Variants in DHX35 observed in about 807,000 individuals in gnomAD.
DHX35 encodes probable ATP-dependent RNA helicase DHX35.
DHX35 carries 84 observed loss-of-function variants against 99.6 expected under a neutral mutation model. That is an observed-to-expected ratio of 0.84 (90% CI 0.71 to 1.01). DHX35 has a LOEUF of 1.01. Ranked by LOEUF, DHX35 falls within the 50% of genes least tolerant of loss-of-function variation. DHX35 has a pLI of 0.00. For missense variants in DHX35, 852 were observed against 888.5 expected, an observed-to-expected ratio of 0.96 and a Z score of 0.52; for synonymous variants, 331 against 316.2, an observed-to-expected ratio of 1.05 and a Z score of -0.50.
intron 6 of DHX35, 126 bp from the exon 7 acceptor site, chr20:38,992,230 C>T: frequency 1.4e-6 from 1 of 714,698 alleles, no homozygotes; most frequent in East Asian, 2.5e-5. Flanking sequence ...AGAAGAGTGA[C>T]TTAGGTTTAC....
intron 3 of DHX35, among the ~76,000 whole-genome samples, chr20:38,978,790 C>T (rs1185031061): frequency 2.6e-5 from 4 of 152,034 alleles, no homozygotes; most frequent in Non-Finnish European, 5.9e-5. Flanking sequence ...GAAGTGTTTC[C>T]CTTCTCTTTT....
At chr20:39,016,578 ATATAAATAATGCTGC>A (rs2145922850) in intron 14 of DHX35, among the ~76,000 whole-genome samples, 1 of 152,316 alleles carries the variant, frequency 6.6e-6, no homozygotes, top group Non-Finnish European at 1.5e-5. Flanking sequence ...TTTTTGGCTG[ATATAAATAATGCTGC>A]TATAAATATT....
At chr20:39,037,911 G>A (rs114840690) in intron 21 of DHX35, among the ~76,000 whole-genome samples, 191 of 147,520 alleles carry the variant, frequency 1.3e-3, no homozygotes, top group African/African-American at 4.9e-3. Flanking sequence ...ATGGTAGAAA[G>A]TGACATTTCT....
chr20:39,035,250 T>G (rs1336909339), intron 21 of DHX35, among the ~76,000 whole-genome samples: 1 of 152,058 alleles, frequency 6.6e-6, no homozygotes, highest in African/African-American at 2.4e-5. Context: ...TTTTGTATTT[T>G]TAGTAGAGAC....
chr20:39,026,218 C>T (rs1346630383), intron 18 of DHX35, among the ~76,000 whole-genome samples: 1 of 152,178 alleles, frequency 6.6e-6, no homozygotes, highest in Non-Finnish European at 1.5e-5. Context: ...TAATTTAATG[C>T]TCACAACAAC....
chr20:39,007,104 A>G (rs2086630835), intron 12 of DHX35, among the ~76,000 whole-genome samples: 1 of 152,274 alleles, frequency 6.6e-6, no homozygotes, highest in Admixed American at 6.5e-5. Context: ...AACCAGGCCC[A>G]GGGTTTTTTA....
intron 20 of DHX35, among the ~76,000 whole-genome samples, chr20:39,033,125 A>G (rs532953672): frequency 9.3e-4 from 142 of 152,000 alleles, no homozygotes; most frequent in Non-Finnish European, 1.8e-3. Flanking sequence ...AGTACTAGCT[A>G]CTCAGGAGAC....
intron 7 of DHX35, among the ~76,000 whole-genome samples, chr20:38,993,791 C>T (rs1054714624): frequency 1.3e-5 from 2 of 151,392 alleles, no homozygotes; most frequent in African/African-American, 4.9e-5. Context: ...TTCATCATTG[C>T]AGAGAGTTCT....
intron 12 of DHX35, among the ~76,000 whole-genome samples, chr20:39,007,809 CTA>C (rs754768871): frequency 5.9e-5 from 9 of 152,156 alleles, no homozygotes; most frequent in Non-Finnish European, 1.2e-4. Flanking sequence ...GAAGGAATGA[CTA>C]GAGTGGAAAA....
At chr20:38,983,626 C>A in intron 3 of DHX35, 73 bp from the exon 4 acceptor site, 2 of 1,240,178 alleles carry the variant, frequency 1.6e-6, no homozygotes, top group South Asian at 1.3e-5. Flanking sequence ...TAACACAATA[C>A]GGGAGCATCT....
chr20:39,016,067 A>AACCTCTTAT (rs2086781359), intron 14 of DHX35, among the ~76,000 whole-genome samples: 1 of 152,198 alleles, frequency 6.6e-6, no homozygotes, highest in Non-Finnish European at 1.5e-5. Flanking sequence ...TTGGGTCACG[A>AACCTCTTAT]TTCAGGTGGC....
At chr20:38,990,934 TAGTAAG>T (rs925205179) in intron 5 of DHX35, among the ~76,000 whole-genome samples, 6 of 152,310 alleles carry the variant, frequency 3.9e-5, no homozygotes, top group Admixed American at 6.5e-5. Flanking sequence ...TCACACAGCT[TAGTAAG>T]AGGTAGAGCC....
In DHX35 at chr20:38,971,994, G is replaced by GTTTTTTTT. The variant is rs1568714388; in HGVS notation, c.175-561_175-560insTTTTTTTT. Among the ~76,000 whole-genome samples, 782 of 111,976 alleles carry GTTTTTTTT rather than the reference G, an allele frequency of 7.0e-3. 26 individuals are homozygous for GTTTTTTTT. The highest frequency in any genetic ancestry group is 0.011 in the Non-Finnish European group (562 of 52,750). The allele number at this position is 111,976 out of a possible 152,430, so 73.5% of individuals were successfully genotyped here. On this transcript the variant is annotated intron_variant, in intron 2 of 21. Transcript: ENST00000252011. Reference sequence around the variant, plus strand: ...ATGTCTATAATTTCTTGTTTTTTTTGTTTTGTTTTGTTTTTTTTTTTTTTT... The same window carrying GTTTTTTTT: ...ATGTCTATAATTTCTTGTTTTTTTTGTTTTTTTTTTTTGTTTTGTTTTTTTTTTTTTTT...
intron 3 of DHX35, among the ~76,000 whole-genome samples, chr20:38,981,575 A>G (rs536510839): frequency 6.6e-6 from 1 of 152,240 alleles, no homozygotes; most frequent in Non-Finnish European, 1.5e-5. Context: ...TAGTACTACA[A>G]GATGTTTCAG....
Position 38,994,633 on chromosome 20 carries a change from C to CA in DHX35, c.583-188_583-187insA, listed in dbSNP as rs1316056471. ...AAATTGGAAGTAATAGTGTAATGAC[C>CA]CCCCCCCCCCTTTATTGACAATTAT... is the stretch of plus-strand genomic sequence containing the variant. On this transcript the variant is annotated intron_variant, in intron 7 of 21. Transcript: ENST00000252011. Among the ~76,000 whole-genome samples the CA allele has an allele frequency of 9.1e-4, 53 of 58,438 alleles. 1 individual carries two copies. The highest frequency in any genetic ancestry group is 4.2e-3 in the African/African-American group (53 of 12,590). The allele number at this position is 58,438 out of a possible 152,430, so 38.3% of individuals were successfully genotyped here. A position where few individuals can be genotyped will look rare whatever the true frequency, so the allele number is the denominator to read the frequency against.
chr20:38,981,272 G>A (rs534409177), intron 3 of DHX35, among the ~76,000 whole-genome samples: 1 of 152,066 alleles, frequency 6.6e-6, no homozygotes, highest in African/African-American at 2.4e-5. Flanking sequence ...CCCCCTCAGT[G>A]GATCTTGTCT....
intron 3 of DHX35, among the ~76,000 whole-genome samples, chr20:38,979,693 C>T (rs899449990): frequency 1.3e-5 from 2 of 152,166 alleles, no homozygotes; most frequent in African/African-American, 4.8e-5. Context: ...CTAAAGGTTA[C>T]AGCAAGGATA....
intron 13 of DHX35, among the ~76,000 whole-genome samples, chr20:39,010,916 T>C (rs1226578633): frequency 6.6e-6 from 1 of 152,202 alleles, no homozygotes; most frequent in Non-Finnish European, 1.5e-5. Flanking sequence ...TTGTCCTGTT[T>C]AGGGTCCTGT....
chr20:38,999,044 C>T (rs1469718303), intron 8 of DHX35, among the ~76,000 whole-genome samples: 4 of 152,170 alleles, frequency 2.6e-5, no homozygotes, highest in Admixed American at 2.0e-4. Context: ...GGCCATCCAC[C>T]CGCCTTGGCC....
Sources: allele counts gnomAD v4.1 joint callset (sites outside exome capture counted in the v4.1 genomes callset), GRCh38; gene constraint gnomAD v4.1.1; transcripts MANE v1.5; gene names NCBI Gene and HGNC (gene_info 2026-07-23, HGNC 2026-07-21).